Variants in HEATR5B observed in about 807,000 individuals in gnomAD.
HEATR5B encodes HEAT repeat-containing protein 5B.
A neutral mutation model predicts 224.1 loss-of-function variants in HEATR5B; 156 were observed. The observed-to-expected ratio is 0.70, with a 90% CI of 0.61 to 0.80. HEATR5B has a LOEUF of 0.80. HEATR5B is among the 30% of genes least tolerant of loss of function. HEATR5B has a pLI of 0.00. For synonymous variants in HEATR5B, 1,027 were observed against 893.0 expected (o/e 1.15, Z -2.68); for missense variants, 2,323 against 2,535.5 (o/e 0.92, Z 1.80).
At chr2:37,059,095 C>G in intron 12 of HEATR5B, 108 bp from the exon 13 acceptor site, 1 of 574,676 alleles carries the variant, frequency 1.7e-6, no homozygotes, top group East Asian at 3.1e-5. Context: ...ATTATTATAA[C>G]GTATAAGGTT....
At chr2:36,992,015 T>C (rs760933062) in intron 33 of HEATR5B, among the ~76,000 whole-genome samples, 1 of 152,038 alleles carries the variant, frequency 6.6e-6, no homozygotes, top group Non-Finnish European at 1.5e-5. Flanking sequence ...CTGGACAACA[T>C]GGTGAAACAT....
At position 37,077,024 on chromosome 2, in the gene HEATR5B, A is replaced by G; in HGVS notation, c.339-5T>C. The G allele has an allele frequency of 1.9e-6, 3 of 1,603,836 alleles. No homozygotes were observed. The highest frequency in any genetic ancestry group is 2.6e-6 in the Non-Finnish European group (3 of 1,171,260). Reference sequence around the variant, plus strand: ...CCGACACAAGCCACCGCAGCCCTGTAAGAAGTGACAACTTCACTAGTCATT... The same window carrying G: ...CCGACACAAGCCACCGCAGCCCTGTGAGAAGTGACAACTTCACTAGTCATT... On this transcript the variant is annotated splice_region_variant and splice_polypyrimidine_tract_variant and intron_variant, in intron 3 of 35. Transcript: ENST00000233099.
chr2:37,060,530 A>G (rs1304275844), intron 12 of HEATR5B, 51 bp downstream of exon 12: 1 of 1,426,168 alleles, frequency 7.0e-7, no homozygotes, highest in Non-Finnish European at 9.4e-7. Flanking sequence ...TACTTTACAA[A>G]TATTTTAGTT....
At chr2:37,035,608 G>C (rs570222925) in intron 21 of HEATR5B, among the ~76,000 whole-genome samples, 25 of 152,222 alleles carry the variant, frequency 1.6e-4, no homozygotes, top group African/African-American at 6.0e-4. Flanking sequence ...ACTCCACTTA[G>C]CTTCTGTGAA....
At chr2:36,984,215 A>AAAAAAAAAAAAAAAAATATATATATATAT in intron 35 of HEATR5B, among the ~76,000 whole-genome samples, 1 of 77,642 alleles carries the variant, frequency 1.3e-5, no homozygotes, top group Non-Finnish European at 2.3e-5. Context: ...AAAAAAAAAA[A>AAAAAAAAAAAAAAAAATATATATATATAT]ATATATATAT....
Position 37,070,225 on chromosome 2 carries a change from C to T in HEATR5B, c.927+5G>A, listed in dbSNP as rs765882160. 1 of 1,613,864 alleles carries T rather than the reference C, an allele frequency of 6.2e-7. No homozygotes were observed. The highest frequency in any genetic ancestry group is 1.1e-5 in the South Asian group (1 of 91,074). Reference sequence around the variant, plus strand: ...AAAATTCTTTCACACATACGTGTTACAAACCTGCGTAACTCCAACTCTCAC... The same window carrying T: ...AAAATTCTTTCACACATACGTGTTATAAACCTGCGTAACTCCAACTCTCAC... On this transcript the variant is annotated splice_donor_5th_base_variant and intron_variant, in intron 7 of 35. Transcript: ENST00000233099.
intron 1 of HEATR5B, 22 bp from the exon 2 acceptor site, chr2:37,083,458 A>C (rs752861792): frequency 4.6e-6 from 7 of 1,536,702 alleles, no homozygotes; most frequent in African/African-American, 1.4e-5. Flanking sequence ...CAGAGTAAAA[A>C]ATACTTGTAA....
At position 36,984,215 on chromosome 2, in the gene HEATR5B, A is replaced by AAAAAAAATAT; in HGVS notation, c.5912-2422_5912-2421insATATTTTTTT. On this transcript the variant is annotated intron_variant, in intron 35 of 35. Transcript: ENST00000233099. ...AACTCTGTCTCAAAAAAAAAAAAAA[A>AAAAAAAATAT]ATATATATATATATATATATATAAA... 6.6e-4 allele frequency among the ~76,000 whole-genome samples: 51 copies of AAAAAAAATAT among 77,638 alleles called. 1 individual carries two copies. Among genetic ancestry groups the AAAAAAAATAT allele is most frequent in the African/African-American group, 2.5e-3 (42 of 17,048 alleles). The allele number at this position is 77,638 out of a possible 152,430, so 50.9% of individuals were successfully genotyped here.
rs753037776 is a variant in HEATR5B at position 37,020,763 on chromosome 2, C to T, written c.3927G>A (p.Gln1309=). The change falls in exon 25 of 36, where the codon CAG becomes CAA. Residue 1309 remains glutamine (Q), a synonymous_variant. Transcript: ENST00000233099. The part of the protein sequence containing the change: ...AFMAATDHSN[Q]LRMAGLQALE... ...GCGCCTGGAGCCCAGCCATTCGCAG[C>T]TGGTTGCTATGATCAGTTGCAGCCA... The T allele has an allele frequency of 6.2e-7, 1 of 1,610,216 alleles. No individual in the cohort carries two copies. The highest frequency in any genetic ancestry group is 2.2e-5 in the East Asian group (1 of 44,690).
rs1454340028 is a variant in HEATR5B at position 37,055,339 on chromosome 2, GT to G, written c.2399+1100del. Among the ~76,000 whole-genome samples the G allele has an allele frequency of 6.6e-5, 10 of 151,814 alleles. No individual in the cohort carries two copies. In the East Asian group the frequency reaches 1.9e-3, roughly 29 times the overall value. On this transcript the variant is annotated intron_variant, in intron 16 of 35. Coordinates refer to ENST00000233099, the MANE Select transcript of HEATR5B (RefSeq NM_019024.3). ...ATTTATTTATACTTCATCTTATTCT[GT>G]AAAAGTGATCATACAGAATTGAGAT...
chr2:37,059,934 C>T (rs1354046510), intron 12 of HEATR5B, among the ~76,000 whole-genome samples: 1 of 152,028 alleles, frequency 6.6e-6, no homozygotes, highest in Non-Finnish European at 1.5e-5. Flanking sequence ...GCCTGGCTGC[C>T]CTTGTGGTGA....
chr2:36,998,513 C>G (rs959086669), intron 33 of HEATR5B, among the ~76,000 whole-genome samples: 2 of 152,128 alleles, frequency 1.3e-5, no homozygotes, highest in African/African-American at 4.8e-5. Flanking sequence ...TTGAAATGTA[C>G]CATCGATTCT....
At chr2:37,033,766 G>A (rs1669290617) in intron 21 of HEATR5B, among the ~76,000 whole-genome samples, 1 of 152,146 alleles carries the variant, frequency 6.6e-6, no homozygotes, top group Non-Finnish European at 1.5e-5. Context: ...GCCCCTCTGT[G>A]CCTTGATTTG....
At chr2:37,021,146 TG>T (rs142001385) in intron 24 of HEATR5B, among the ~76,000 whole-genome samples, 25,092 of 152,132 alleles carry the variant, frequency 0.16, 2,265 homozygotes, top group African/African-American at 0.22. Context: ...CAGACTTTTT[TG>T]GTAAAGAACC....
At chr2:37,034,977 T>C (rs558264767) in intron 21 of HEATR5B, among the ~76,000 whole-genome samples, 2 of 152,370 alleles carry the variant, frequency 1.3e-5, no homozygotes, top group South Asian at 4.1e-4. Flanking sequence ...ACAAGTCACT[T>C]AGTCTCTTGA....
chr2:37,067,574 G>A (rs1287269850), intron 8 of HEATR5B, among the ~76,000 whole-genome samples: 2 of 152,108 alleles, frequency 1.3e-5, no homozygotes, highest in Non-Finnish European at 2.9e-5. Context: ...TTTGAGACCA[G>A]CCTGGCCAAT....
rs150082391 is a variant in HEATR5B, at chr2:37,000,643, G to C, written c.5488C>G (p.Gln1830Glu). ...GTGCTACGAATCAGAGCTGTCCACTGTTTTTGAACGCCAGCCTCAGTTTTG... is the reference window on the plus strand; with the variant it reads ...GTGCTACGAATCAGAGCTGTCCACTCTTTTTGAACGCCAGCCTCAGTTTTG... ...MAKTEAGVQK[Q>E]WTALIRSTLA... Residue 1830 changes from glutamine (Q) to glutamate (E), a missense_variant, in exon 33 of 36, where the codon CAG becomes GAG. Gln to Glu is a conservative substitution (Grantham distance 29). Around this residue, in one of 12 missense-constraint regions of HEATR5B, gnomAD observed 844 missense variants for 812.9 expected, o/e 1.04. Coordinates refer to ENST00000233099, the MANE Select transcript of HEATR5B (RefSeq NM_019024.3). 104 of 1,614,210 alleles carry C rather than the reference G, an allele frequency of 6.4e-5. No individual in the cohort carries two copies. The African/African-American group carries it at 1.0e-3, about 16-fold the overall frequency.
intron 16 of HEATR5B, among the ~76,000 whole-genome samples, chr2:37,054,767 G>A (rs1351031096): frequency 6.6e-6 from 1 of 152,174 alleles, no homozygotes; most frequent in East Asian, 1.9e-4. Flanking sequence ...ACAGGTGTGA[G>A]CCACAACGCC....
At chr2:36,987,786 G>A (rs1572733409) in intron 35 of HEATR5B, among the ~76,000 whole-genome samples, 2 of 152,148 alleles carry the variant, frequency 1.3e-5, no homozygotes, top group East Asian at 3.9e-4. Flanking sequence ...AAAACCCTAT[G>A]AAATGGGCAT....
Sources: gnomAD v4.1 joint callset for allele counts (sites outside exome capture counted in the v4.1 genomes callset) on GRCh38, gnomAD v4.1.1 for gene constraint, gnomAD v4.1.1 regional missense constraint, MANE v1.5 for transcripts, NCBI Gene and HGNC (gene_info 2026-07-23, HGNC 2026-07-21) for gene names.